The following COLEC10 variants were observed in gnomAD, a reference collection of about 807,000 sequenced individuals.
The protein encoded by COLEC10 is collectin subfamily member 10.
COLEC10 carries 22 observed loss-of-function variants against 28.4 expected under a neutral mutation model. The observed-to-expected ratio is 0.78, with a 90% CI of 0.55 to 1.11. The LOEUF (loss-of-function observed/expected upper bound fraction) is 1.11, where lower values mean the gene tolerates loss of function less well. COLEC10 is among the 50% of genes least tolerant of loss of function. The pLI is 0.00. For missense variants in COLEC10, 361 were observed against 344.1 expected (o/e 1.05, Z -0.39); for synonymous variants, 125 against 116.1 (o/e 1.08, Z -0.49).
intron 2 of COLEC10, among the ~76,000 whole-genome samples, chr8:119,025,987 T>C (rs969183940): frequency 1.3e-5 from 2 of 152,180 alleles, no homozygotes; most frequent in Non-Finnish European, 2.9e-5. Context: ...GAACTCTTTT[T>C]AGTTTTCTTC....
At chr8:118,995,050 T>C (rs373728380), upstream of COLEC10, among the ~76,000 whole-genome samples, 3 of 152,172 alleles carry the variant, frequency 2.0e-5, no homozygotes, top group African/African-American at 4.8e-5. Context: ...AAGCTACAAG[T>C]CTTATCTAAT....
At chr8:119,060,499 A>C (rs538898348) in intron 2 of COLEC10, among the ~76,000 whole-genome samples, 1 of 152,256 alleles carries the variant, frequency 6.6e-6, no homozygotes, top group Non-Finnish European at 1.5e-5. Flanking sequence ...ATATCTGAGT[A>C]CAAGACTGAG....
At chr8:118,957,324 G>T in the COLEC10 span, among the ~76,000 whole-genome samples, 1 of 152,174 alleles carries the variant, frequency 6.6e-6, no homozygotes, top group African/African-American at 2.4e-5. Flanking sequence ...ATTTTAGAGC[G>T]GTGATGTCTA....
At chr8:119,017,464 T>C (rs1280097428) in intron 2 of COLEC10, among the ~76,000 whole-genome samples, 1 of 152,194 alleles carries the variant, frequency 6.6e-6, no homozygotes, top group Non-Finnish European at 1.5e-5. Context: ...TTGATGGTGC[T>C]TGAAGAATTG....
intron 1 of COLEC10, among the ~76,000 whole-genome samples, chr8:119,076,990 A>G (rs1815252235): frequency 6.6e-6 from 1 of 152,228 alleles, no homozygotes; most frequent in African/African-American, 2.4e-5. Flanking sequence ...AAGTCTCTGG[A>G]ACCAATTTAT....
At chr8:119,076,639 T>G (rs1449677934) in intron 1 of COLEC10, among the ~76,000 whole-genome samples, 2 of 152,222 alleles carry the variant, frequency 1.3e-5, no homozygotes, top group African/African-American at 4.8e-5. Context: ...GGTCATTTAT[T>G]TGATGCTGCC....
chr8:119,004,896 T>C (rs1228656249), intron 1 of COLEC10, among the ~76,000 whole-genome samples: 5 of 151,370 alleles, frequency 3.3e-5, no homozygotes, highest in Non-Finnish European at 4.4e-5. Context: ...TTTCCTATCA[T>C]CTTTCACCTC....
At chr8:118,982,126 T>C in the COLEC10 span, among the ~76,000 whole-genome samples, 1 of 152,166 alleles carries the variant, frequency 6.6e-6, no homozygotes, top group Admixed American at 6.6e-5. Context: ...GCAAGTGTTC[T>C]GATTGCTAAG....
At chr8:119,032,590 G>A (rs6469804) in intron 2 of COLEC10, among the ~76,000 whole-genome samples, 102,957 of 152,056 alleles carry the variant, frequency 0.68, 36,819 homozygotes, top group African/African-American at 0.92. Flanking sequence ...GGAGAAGGAA[G>A]ATCTTGTTCT....
intron 2 of COLEC10, among the ~76,000 whole-genome samples, chr8:119,028,355 A>T (rs1161199739): frequency 6.6e-6 from 1 of 152,234 alleles, no homozygotes; most frequent in Non-Finnish European, 1.5e-5. Flanking sequence ...GTTCATTTAC[A>T]TGCTGCTTAT....
At chr8:119,031,644 A>G (rs560754299) in intron 2 of COLEC10, among the ~76,000 whole-genome samples, 2 of 152,240 alleles carry the variant, frequency 1.3e-5, no homozygotes, top group Non-Finnish European at 1.5e-5. Context: ...GGTGAAAGAC[A>G]AGACCATTTC....
At chr8:119,003,163 T>C (rs1813732088) in intron 1 of COLEC10, among the ~76,000 whole-genome samples, 1 of 152,138 alleles carries the variant, frequency 6.6e-6, no homozygotes, top group Non-Finnish European at 1.5e-5. Context: ...ATAACAGACA[T>C]GTATAAGTCT....
At chr8:119,056,370 C>T (rs1462517775) in intron 2 of COLEC10, among the ~76,000 whole-genome samples, 1 of 152,018 alleles carries the variant, frequency 6.6e-6, no homozygotes, top group African/African-American at 2.4e-5. Context: ...GTGGATTTTA[C>T]CCCAAAAGTT....
At chr8:119,091,850 T>C (rs1434800682) in intron 3 of COLEC10, among the ~76,000 whole-genome samples, 3 of 152,154 alleles carry the variant, frequency 2.0e-5, no homozygotes, top group Non-Finnish European at 4.4e-5. Flanking sequence ...AGTCTTTATG[T>C]TGAATTATCT....
At chr8:118,957,601 C>G in the COLEC10 span, among the ~76,000 whole-genome samples, 1 of 152,120 alleles carries the variant, frequency 6.6e-6, no homozygotes, top group Admixed American at 6.5e-5. Flanking sequence ...AATCTATGGA[C>G]AGTAGGAAGC....
At chr8:118,962,739 C>A in the COLEC10 span, among the ~76,000 whole-genome samples, 22,309 of 152,146 alleles carry the variant, frequency 0.15, 1,702 homozygotes, top group Middle Eastern at 0.29. Flanking sequence ...ATAATGGGAA[C>A]TTAAGACCAA....
chr8:119,102,890 G>A (rs563279370), intron 4 of COLEC10, among the ~76,000 whole-genome samples: 38 of 152,290 alleles, frequency 2.5e-4, no homozygotes, highest in African/African-American at 8.9e-4. Flanking sequence ...GGGAAAGAAA[G>A]TAGATTGTAC....
the COLEC10 span, among the ~76,000 whole-genome samples, chr8:118,987,522 C>T: frequency 6.6e-6 from 1 of 152,138 alleles, no homozygotes; most frequent in Admixed American, 6.6e-5. Flanking sequence ...CGAGATCGCA[C>T]CACTGCAGTT....
At chr8:119,076,542 C>T (rs907238131) in intron 1 of COLEC10, among the ~76,000 whole-genome samples, 3 of 152,058 alleles carry the variant, frequency 2.0e-5, no homozygotes, top group Non-Finnish European at 4.4e-5. Flanking sequence ...GGATTACAGG[C>T]GTGAGCCACC....
Sources: gnomAD v4.1 joint callset for allele counts (sites outside exome capture counted in the v4.1 genomes callset) on GRCh38, gnomAD v4.1.1 for gene constraint, MANE v1.5 for transcripts, NCBI Gene and HGNC (gene_info 2026-07-23, HGNC 2026-07-21) for gene names.